The following PIAS1 variants were observed in gnomAD, a reference collection of about 807,000 sequenced individuals.
The protein encoded by PIAS1 is E3 SUMO-protein ligase PIAS1.
In PIAS1, 6 loss-of-function variants were observed where a neutral mutation model predicts 71.3. That is an observed-to-expected ratio of 0.08 (90% CI 0.05 to 0.17). The LOEUF (loss-of-function observed/expected upper bound fraction) is 0.17, where lower values mean the gene tolerates loss of function less well. Among genes scored for constraint, PIAS1 ranks in the 10% least tolerant of loss-of-function variants. PIAS1 has a pLI of 1.00. For missense variants in PIAS1, 555 were observed against 793.6 expected (o/e 0.70, Z 3.61); for synonymous variants, 303 against 292.9 (o/e 1.03, Z -0.35).
intron 2 of PIAS1, among the ~76,000 whole-genome samples, chr15:68,102,707 T>C (rs759004929): frequency 6.6e-6 from 1 of 152,188 alleles, no homozygotes; most frequent in Non-Finnish European, 1.5e-5. Flanking sequence ...TCTGAGTGAT[T>C]ATATCTTGTG....
chr15:68,154,650 T>A (rs1365239147), intron 7 of PIAS1, among the ~76,000 whole-genome samples: 1 of 152,220 alleles, frequency 6.6e-6, no homozygotes, highest in Non-Finnish European at 1.5e-5. Flanking sequence ...AATATCAATA[T>A]ACCCTTAATA....
chr15:68,126,271 C>T (rs2092650062), intron 2 of PIAS1, among the ~76,000 whole-genome samples: 2 of 152,134 alleles, frequency 1.3e-5, no homozygotes, highest in South Asian at 2.1e-4. Flanking sequence ...AATTTTCAAA[C>T]CTGTTTTCTT....
rs891152402 is a variant in PIAS1 at position 68,190,758 on chromosome 15, TAAAAAA to T, written c.*2930_*2935del. ...TTCGTGAGTGTTATTGGATACATCT[TAAAAAA>T]AAAAAATCTGAACCAGAACCATGCC... is the stretch of plus-strand genomic sequence containing the variant. On this transcript the variant is annotated 3_prime_UTR_variant, in exon 14 of 14. Transcript: ENST00000249636. The surrounding 1 kb of genome is among the most constrained non-coding windows in gnomAD (Gnocchi z 4.7). 2 of 146,648 alleles carry T rather than the reference TAAAAAA, an allele frequency of 1.4e-5. No homozygotes were observed. Among genetic ancestry groups the T allele is most frequent in the Non-Finnish European group, 3.0e-5 (2 of 66,286 alleles). The allele number at this position is 146,648 out of a possible 1,614,324, so 9.1% of individuals were successfully genotyped here. A position where few individuals can be genotyped will look rare whatever the true frequency, so the allele number is the denominator to read the frequency against.
chr15:68,089,269 G>A (rs950464113), intron 2 of PIAS1, among the ~76,000 whole-genome samples: 1 of 151,976 alleles, frequency 6.6e-6, no homozygotes, highest in Non-Finnish European at 1.5e-5. Flanking sequence ...TAATTTTAAG[G>A]CCTTTATTTT....
At chr15:68,100,098 GA>G (rs56224845) in intron 2 of PIAS1, among the ~76,000 whole-genome samples, 10,319 of 138,718 alleles carry the variant, frequency 0.074, 605 homozygotes, top group African/African-American at 0.18. Flanking sequence ...ATTTCTTCGG[GA>G]AAAAAAAAAA....
chr15:68,081,251 C>T (rs2092225509), intron 1 of PIAS1, among the ~76,000 whole-genome samples: 1 of 152,156 alleles, frequency 6.6e-6, no homozygotes, highest in Non-Finnish European at 1.5e-5. Context: ...GCCCTTAGAA[C>T]ACTAGAAGCC....
Position 68,191,135 on chromosome 15 carries a change from A to G in PIAS1, c.*3300A>G, listed in dbSNP as rs532229693. ...TAAATACAAAGCTTAGATTTCAGAA[A>G]GAGAGGGAAAATAGCTGGTGGTCCC... On this transcript the variant is annotated 3_prime_UTR_variant, in exon 14 of 14. Coordinates refer to ENST00000249636, the MANE Select transcript of PIAS1 (RefSeq NM_016166.3). 1 of 152,586 alleles carries G rather than the reference A, an allele frequency of 6.6e-6. No homozygotes were observed. Among genetic ancestry groups the G allele is most frequent in the Non-Finnish European group, 1.5e-5 (1 of 68,042 alleles). 9.5% of individuals were successfully genotyped at this position (152,586 alleles called of 1,614,324 possible).
intron 2 of PIAS1, among the ~76,000 whole-genome samples, chr15:68,094,134 A>G (rs1246706510): frequency 1.3e-5 from 2 of 151,720 alleles, no homozygotes; most frequent in South Asian, 2.1e-4. Flanking sequence ...TTTCTGGGCT[A>G]TATATATATT....
intron 8 of PIAS1, among the ~76,000 whole-genome samples, chr15:68,168,167 C>T (rs1194552308): frequency 2.0e-5 from 3 of 151,828 alleles, no homozygotes; most frequent in Non-Finnish European, 2.9e-5. Flanking sequence ...TGTCACCACG[C>T]CCGGCTAATT....
intron 2 of PIAS1, among the ~76,000 whole-genome samples, chr15:68,122,068 G>A (rs1007209808): frequency 1.3e-5 from 2 of 152,182 alleles, no homozygotes; most frequent in Non-Finnish European, 2.9e-5. Context: ...GATGGAGGTT[G>A]CAGTGAGCCA....
In PIAS1 at chr15:68,186,486, ATTAG is replaced by A. The variant is rs1217338716; in HGVS notation, c.1663-1051_1663-1048del. Among the ~76,000 whole-genome samples, 2 of 152,230 alleles carry A rather than the reference ATTAG, an allele frequency of 1.3e-5. No homozygotes were observed. The highest frequency in any genetic ancestry group is 4.8e-5 in the African/African-American group (2 of 41,460). ...TTAAAAAATCAGTTTATAAAGTAAA[ATTAG>A]TTAGCTAATGTTAATTTATTATTGA... On this transcript the variant is annotated intron_variant, in intron 13 of 13. Coordinates refer to ENST00000249636, the MANE Select transcript of PIAS1 (RefSeq NM_016166.3). This position sits in a 1 kb window ranked among gnomAD's most constrained non-coding sequence, Gnocchi z 4.4.
intron 6 of PIAS1, among the ~76,000 whole-genome samples, chr15:68,150,726 T>C (rs2092838209): frequency 6.6e-6 from 1 of 152,202 alleles, no homozygotes; most frequent in African/African-American, 2.4e-5. Flanking sequence ...TGAGTATTCC[T>C]AATCTGAAAA....
chr15:68,148,899 G>A (rs1870564881), intron 6 of PIAS1, among the ~76,000 whole-genome samples: 1 of 152,134 alleles, frequency 6.6e-6, no homozygotes. Flanking sequence ...CTAGAGTGGT[G>A]GCGATAGAAA....
chr15:68,122,351 A>C (rs767433107), intron 2 of PIAS1, among the ~76,000 whole-genome samples: 1 of 152,164 alleles, frequency 6.6e-6, no homozygotes. Context: ...TGTGGTGAAC[A>C]AGAAATTGAA....
chr15:68,139,913 AT>A (rs1004742250), intron 2 of PIAS1, among the ~76,000 whole-genome samples: 12 of 152,108 alleles, frequency 7.9e-5, no homozygotes, highest in Non-Finnish European at 1.5e-4. Flanking sequence ...TTTGTCCAGA[AT>A]TTTTTTGAAA....
At chr15:68,177,334 G>A (rs74346597) in intron 11 of PIAS1, among the ~76,000 whole-genome samples, 2 of 151,224 alleles carry the variant, frequency 1.3e-5, no homozygotes, top group East Asian at 3.9e-4. Flanking sequence ...AAGTTCCCAG[G>A]TGATCCTGCT....
chr15:68,134,604 T>C (rs1166217336), intron 2 of PIAS1, among the ~76,000 whole-genome samples: 10 of 18,548 alleles, frequency 5.4e-4, no homozygotes, highest in South Asian at 2.6e-3. Flanking sequence ...ACGGGGCGGC[T>C]GGCCGGGCGG....
At chr15:68,125,078 T>G (rs1346197679) in intron 2 of PIAS1, among the ~76,000 whole-genome samples, 2 of 152,244 alleles carry the variant, frequency 1.3e-5, no homozygotes, top group African/African-American at 2.4e-5. Context: ...AAACACTATT[T>G]GTAAGTGAGC....
intron 1 of PIAS1, among the ~76,000 whole-genome samples, chr15:68,065,903 G>A (rs1232028942): frequency 8.3e-6 from 1 of 120,304 alleles, no homozygotes; most frequent in Non-Finnish European, 1.6e-5. Flanking sequence ...ACCATGCTCA[G>A]CTGACTAAAA....
Sources: allele counts gnomAD v4.1 joint callset (sites outside exome capture counted in the v4.1 genomes callset), GRCh38; gene constraint gnomAD v4.1.1; non-coding constraint Gnocchi (gnomAD v3.1); transcripts MANE v1.5; gene names NCBI Gene and HGNC (gene_info 2026-07-23, HGNC 2026-07-21).